Variants in PCDHGA4 observed in about 807,000 individuals in gnomAD.
PCDHGA4 encodes protocadherin gamma-A4.
A neutral mutation model predicts 54.6 loss-of-function variants in PCDHGA4; 38 were observed. That is an observed-to-expected ratio of 0.70 (90% CI 0.54 to 0.91). The LOEUF (loss-of-function observed/expected upper bound fraction) is 0.91. Among genes scored for constraint, PCDHGA4 ranks in the 40% least tolerant of loss-of-function variants. The probability of loss-of-function intolerance (pLI) is 0.00; values close to 1 mark genes in which losing one functional copy is unlikely to be tolerated. For missense variants in PCDHGA4, 1,298 were observed against 1,220.9 expected (o/e 1.06, Z -0.94); for synonymous variants, 511 against 512.9 (o/e 1.00, Z 0.05).
intron 1 of PCDHGA4, among the ~76,000 whole-genome samples, chr5:141,368,504 G>A (rs567370495): frequency 3.0e-4 from 45 of 152,138 alleles, no homozygotes; most frequent in Non-Finnish European, 5.3e-4. Context: ...AGTAGGTGTC[G>A]ACATTATTCA....
At position 141,476,827 on chromosome 5, in the gene PCDHGA4, G is replaced by A; in HGVS notation, c.2515-17980G>A. On this transcript the variant is annotated intron_variant, in intron 1 of 3. Transcript: ENST00000571252. The surrounding 1 kb of genome is among the most constrained non-coding windows in gnomAD (Gnocchi z 7.6). ...CTATTCACATCAAGGTGCTGGACGC[G>A]AATGACAATGCGCCTGTCTTCAACC... The A allele has an allele frequency of 1.2e-6, 2 of 1,613,542 alleles. No individual in the cohort carries two copies. Among genetic ancestry groups the A allele is most frequent in the Non-Finnish European group, 1.7e-6 (2 of 1,180,046 alleles).
intron 1 of PCDHGA4, chr5:141,375,375 C>G (rs907988445): frequency 6.2e-7 from 1 of 1,613,834 alleles, no homozygotes; most frequent in Admixed American, 1.7e-5. Context: ...GGAACACCAC[C>G]TCTGTCTACA....
In PCDHGA4 at chr5:141,491,928, G is replaced by T; in HGVS notation, c.2515-2879G>T. 1 of 1,301,482 alleles carries T rather than the reference G, an allele frequency of 7.7e-7. No homozygotes were observed. Among genetic ancestry groups the T allele is most frequent in the South Asian group, 1.6e-5 (1 of 63,466 alleles). 80.6% of individuals were successfully genotyped at this position (1,301,482 alleles called of 1,614,324 possible). A position where few individuals can be genotyped will look rare whatever the true frequency, so the allele number is the denominator to read the frequency against. On this transcript the variant is annotated intron_variant, in intron 1 of 3. Coordinates refer to ENST00000571252, the MANE Select transcript of PCDHGA4 (RefSeq NM_018917.4). The surrounding 1 kb of genome is among the most constrained non-coding windows in gnomAD (Gnocchi z 6.9). ...TGGTGGCGACTGTGGGCGAGGGGAG[G>T]TGGGACCGACCCCCACCCCTACACT... is the stretch of plus-strand genomic sequence containing the variant.
At chr5:141,409,590 A>G (rs755702950) in intron 1 of PCDHGA4, 1 of 1,613,898 alleles carries the variant, frequency 6.2e-7, no homozygotes, top group Non-Finnish European at 8.5e-7. Context: ...CACGTGGCCG[A>G]GAACAACCCG....
At chr5:141,504,017 T>G (rs1186684262) in intron 2 of PCDHGA4, among the ~76,000 whole-genome samples, 1 of 152,150 alleles carries the variant, frequency 6.6e-6, no homozygotes, top group Non-Finnish European at 1.5e-5. Context: ...TCTCTGCTGG[T>G]CTCTTCCCAC....
intron 1 of PCDHGA4, chr5:141,364,974 T>C (rs755409808): frequency 1.9e-6 from 3 of 1,613,888 alleles, no homozygotes; most frequent in Admixed American, 1.7e-5. Flanking sequence ...CTCACAGCTT[T>C]AGATGGCGGA....
At chr5:141,435,008 A>G (rs961813777) in intron 1 of PCDHGA4, among the ~76,000 whole-genome samples, 3 of 152,130 alleles carry the variant, frequency 2.0e-5, no homozygotes, top group African/African-American at 7.2e-5. Context: ...GAATTTATCA[A>G]TGATAATGCT....
intron 1 of PCDHGA4, chr5:141,405,408 TTTTTTTG>T (rs2094659443): frequency 2.5e-6 from 4 of 1,572,390 alleles, no homozygotes; most frequent in African/African-American, 1.4e-5. Flanking sequence ...CTTTCTTTTC[TTTTTTTG>T]TTTTTTGTTT....
chr5:141,470,768 G>T (rs2099239559), intron 1 of PCDHGA4, among the ~76,000 whole-genome samples: 1 of 152,142 alleles, frequency 6.6e-6, no homozygotes, highest in South Asian at 2.1e-4. Context: ...ACTCACTACA[G>T]TCTTGAATTC....
chr5:141,404,240 C>T, intron 1 of PCDHGA4: 1 of 1,613,660 alleles, frequency 6.2e-7, no homozygotes, highest in East Asian at 2.2e-5. Context: ...CAGAGGAACT[C>T]CGCCCCTGTC....
intron 1 of PCDHGA4, chr5:141,394,974 A>T: frequency 6.2e-7 from 1 of 1,613,852 alleles, no homozygotes; most frequent in Non-Finnish European, 8.5e-7. Context: ...GCGCTGGCAC[A>T]AGTCACGCCT....
chr5:141,417,678 A>G (rs1306009640), intron 1 of PCDHGA4: 4 of 997,368 alleles, frequency 4.0e-6, no homozygotes, highest in Non-Finnish European at 5.7e-6. Flanking sequence ...GCAGCCAACA[A>G]CAGAAAAGAA....
intron 1 of PCDHGA4, chr5:141,394,466 C>T (rs765078363): frequency 1.2e-6 from 2 of 1,614,222 alleles, no homozygotes; most frequent in Non-Finnish European, 8.5e-7. Flanking sequence ...TGAGCCTGTT[C>T]GTGCTGGACC....
intron 1 of PCDHGA4, chr5:141,478,354 C>G (rs141625672): frequency 2.8e-5 from 45 of 1,613,660 alleles, no homozygotes; most frequent in Non-Finnish European, 3.2e-5. Flanking sequence ...ACGCGGACGC[C>G]GTGCGGGGAG....
At chr5:141,365,572 G>A (rs543051313) in intron 1 of PCDHGA4, 3 of 1,613,640 alleles carry the variant, frequency 1.9e-6, no homozygotes, top group Admixed American at 3.3e-5. Flanking sequence ...ACAGAGAAGA[G>A]ACTTCAGATT....
chr5:141,413,365 G>A (rs1046513869), intron 1 of PCDHGA4: 14 of 1,614,000 alleles, frequency 8.7e-6, no homozygotes, highest in Non-Finnish European at 1.2e-5. Flanking sequence ...CCGGGAGCTG[G>A]CGGAGCGCGG....
rs375597452 is a variant in PCDHGA4 at position 141,403,865 on chromosome 5, A to G, written c.2514+46244A>G. ...AAATACTGGGGAAATATCAACAGCA[A>G]AAAGTCTAGATTATGAAGAATGTTC... On this transcript the variant is annotated intron_variant, in intron 1 of 3. Transcript: ENST00000571252. 40 of 1,613,808 alleles carry G rather than the reference A, an allele frequency of 2.5e-5. No individual in the cohort carries two copies. The African/African-American group carries it at 5.2e-4, about 21-fold the overall frequency.
chr5:141,497,502 T>C (rs1216218103), intron 2 of PCDHGA4, among the ~76,000 whole-genome samples: 1 of 151,628 alleles, frequency 6.6e-6, no homozygotes, highest in East Asian at 1.9e-4. Flanking sequence ...CTCTCCTCTC[T>C]CTGCTTCCTT....
intron 1 of PCDHGA4, among the ~76,000 whole-genome samples, chr5:141,449,298 T>C (rs1197693931): frequency 6.6e-6 from 1 of 152,058 alleles, no homozygotes; most frequent in Non-Finnish European, 1.5e-5. Flanking sequence ...CCGGGTGAAT[T>C]ATATGTATTA....
Sources: allele counts gnomAD v4.1 joint callset (sites outside exome capture counted in the v4.1 genomes callset), GRCh38; gene constraint gnomAD v4.1.1; non-coding constraint Gnocchi (gnomAD v3.1); transcripts MANE v1.5; gene names NCBI Gene and HGNC (gene_info 2026-07-23, HGNC 2026-07-21).